NRAP: variants seen among roughly 807,000 people sequenced by gnomAD.
The protein encoded by NRAP is nebulin related anchoring protein, also known as nebulin-related-anchoring protein.
In NRAP, 189 loss-of-function variants were observed where a neutral mutation model predicts 225.9. The ratio of observed to expected loss-of-function variants is 0.84; its 90% CI spans 0.74 to 0.94. The LOEUF (loss-of-function observed/expected upper bound fraction) is 0.94, where lower values mean the gene tolerates loss of function less well. NRAP is among the 40% of genes least tolerant of loss of function. NRAP has a pLI of 0.00. For missense variants in NRAP, 2,176 were observed against 2,168.7 expected, an observed-to-expected ratio of 1.00 and a Z score of -0.07; for synonymous variants, 769 against 790.7, an observed-to-expected ratio of 0.97 and a Z score of 0.46.
intron 31 of NRAP, among the ~76,000 whole-genome samples, chr10:113,609,514 G>T (rs891189390): frequency 1.3e-5 from 2 of 152,162 alleles, no homozygotes; most frequent in Admixed American, 6.5e-5. Context: ...TCCCAGGGGT[G>T]AGCAAGATTC....
intron 20 of NRAP, among the ~76,000 whole-genome samples, chr10:113,627,719 G>T (rs1848363122): frequency 6.6e-6 from 1 of 152,238 alleles, no homozygotes; most frequent in South Asian, 2.1e-4. Context: ...ATGGTCAAGA[G>T]CTGGGGCACC....
At chr10:113,623,423 C>T in intron 23 of NRAP, 106 bp downstream of exon 23, 1 of 621,708 alleles carries the variant, frequency 1.6e-6, no homozygotes, top group South Asian at 2.5e-5. Flanking sequence ...AGATAAGAAT[C>T]CTGAGATTCA....
At chr10:113,617,071 G>T (rs1847708360) in intron 26 of NRAP, among the ~76,000 whole-genome samples, 1 of 152,060 alleles carries the variant, frequency 6.6e-6, no homozygotes, top group African/African-American at 2.4e-5. Flanking sequence ...GCTGCCCTTG[G>T]GTCCTAAAGA....
At chr10:113,653,083 T>G in intron 5 of NRAP, 44 bp from the exon 6 acceptor site, 1 of 1,101,990 alleles carries the variant, frequency 9.1e-7, no homozygotes. Flanking sequence ...GAGATGATAT[T>G]GAATGACAAC....
chr10:113,600,445 G>A (rs1846534455), intron 35 of NRAP, among the ~76,000 whole-genome samples: 1 of 152,112 alleles, frequency 6.6e-6, no homozygotes, highest in South Asian at 2.1e-4. Context: ...TTCCCAAAAT[G>A]TGGGATTACA....
At chr10:113,654,971 G>C (rs1433676016) in intron 4 of NRAP, among the ~76,000 whole-genome samples, 1 of 152,210 alleles carries the variant, frequency 6.6e-6, no homozygotes. Flanking sequence ...GAGGAGCTGG[G>C]TTTGATTGGA....
rs1398700919 is a variant in NRAP at position 113,660,488 on chromosome 10, C to G, written c.255+2191G>C. The stretch of plus-strand genomic sequence containing the variant: ...CACTGTCTGTGGCTGGAAATAGAAC[C>G]AGCAACAATCCTAGCCTTGCTCCAG... On this transcript the variant is annotated intron_variant, in intron 3 of 41. Coordinates refer to ENST00000359988, the MANE Select transcript of NRAP (RefSeq NM_198060.4). 2.6e-5 allele frequency among the ~76,000 whole-genome samples: 4 copies of G among 152,242 alleles called. No individual in the cohort carries two copies. In the East Asian group the frequency reaches 7.7e-4, roughly 29 times the overall value.
chr10:113,637,006 CAAAAAAAA>C (rs59937257), intron 14 of NRAP, among the ~76,000 whole-genome samples: 5 of 89,296 alleles, frequency 5.6e-5, no homozygotes, highest in South Asian at 4.3e-4. Flanking sequence ...GACTTCATCT[CAAAAAAAA>C]AAAAAAAAAA....
chr10:113,662,760 G>C lies in NRAP; in HGVS notation c.174C>G (p.Asn58Lys). The part of the protein sequence containing the change: ...HQKKPYCHAH[N>K]PKNNTFTSVY... ...CACTGGTGAAAGTGTTGTTCTTAGG[G>C]TTATGGCTACAACAAATAGGTATAA... The change falls in exon 3 of 42, where the codon AAC becomes AAG. Residue 58 changes from asparagine to lysine, a missense_variant. Asn to Lys is a moderately conservative substitution (Grantham distance 94). This residue lies in a region of NRAP where 1,708 missense variants were observed against 1,695.5 expected (regional missense o/e 1.01). Transcript: ENST00000359988. 1 of 1,566,610 alleles carries C rather than the reference G, an allele frequency of 6.4e-7. No individual in the cohort carries two copies. The highest frequency in any genetic ancestry group is 1.1e-5 in the South Asian group (1 of 89,454).
intron 40 of NRAP, among the ~76,000 whole-genome samples, chr10:113,590,018 C>T (rs1845862911): frequency 6.6e-6 from 1 of 152,222 alleles, no homozygotes; most frequent in Admixed American, 6.5e-5. Context: ...TCTCTTGCAT[C>T]TTCCCATTCA....
chr10:113,646,884 C>G, intron 10 of NRAP, 39 bp downstream of exon 10: 1 of 1,356,010 alleles, frequency 7.4e-7, no homozygotes, highest in South Asian at 1.2e-5. Flanking sequence ...TCTCACTTCT[C>G]TGCCTCTGGC....
At chr10:113,608,271 A>G in intron 32 of NRAP, 143 bp downstream of exon 32, 3 of 586,204 alleles carry the variant, frequency 5.1e-6, no homozygotes, top group Non-Finnish European at 9.1e-6. Context: ...GAAAATGTTT[A>G]GGTTCCATAT....
rs369152060 is a variant in NRAP, at chr10:113,629,538, T to C, written c.2040+50A>G. On this transcript the variant is annotated intron_variant, in intron 19 of 41. Transcript: ENST00000359988. ...CAGGTTTGAAATCACTCTGAAAGCA[T>C]GTCCAACTGCAAGAGATGCATGAAG... 18 of 1,285,008 alleles carry C rather than the reference T, an allele frequency of 1.4e-5. No homozygotes were observed. The African/African-American group carries it at 1.7e-4, about 12-fold the overall frequency. 79.6% of individuals were successfully genotyped at this position (1,285,008 alleles called of 1,614,324 possible).
intron 29 of NRAP, among the ~76,000 whole-genome samples, chr10:113,612,812 T>A (rs2133937233): frequency 6.6e-6 from 1 of 152,256 alleles, no homozygotes; most frequent in South Asian, 2.1e-4. Flanking sequence ...CATCGCCCAC[T>A]CAAGTTCAGA....
chr10:113,607,396 C>T lies in NRAP; in HGVS notation c.3702+1018G>A, dbSNP rs561096615. Among the ~76,000 whole-genome samples, 160 of 42,388 alleles carry T rather than the reference C, an allele frequency of 3.8e-3. 1 individual carries two copies. The highest frequency in any genetic ancestry group is 0.015 in the African/African-American group (149 of 10,246). The allele number at this position is 42,388 out of a possible 152,430, so 27.8% of individuals were successfully genotyped here. A position where few individuals can be genotyped will look rare whatever the true frequency, so the allele number is the denominator to read the frequency against. ...CAGCCTGGGTGAAAGAGCGAAACTC[C>T]GTCAAAAAAAAAAAAAAAAAAAAAA... is the stretch of plus-strand genomic sequence containing the variant. On this transcript the variant is annotated intron_variant, in intron 32 of 41. Transcript: ENST00000359988.
intron 23 of NRAP, 70 bp from the exon 24 acceptor site, chr10:113,622,250 G>T (rs987083514): frequency 9.6e-7 from 1 of 1,041,722 alleles, no homozygotes. Flanking sequence ...CAGACTCCAT[G>T]CATGGGAGCT....
At position 113,646,905 on chromosome 10, in the gene NRAP, C is replaced by T; in HGVS notation, c.993+18G>A. On this transcript the variant is annotated intron_variant, in intron 10 of 41. Transcript: ENST00000359988. ...TTCTCTGCCTCTGGCTCTGTGGTCA[C>T]ACCTACATGGTACTTACGTCACTAG... The T allele has an allele frequency of 6.4e-7, 1 of 1,555,648 alleles. No individual in the cohort carries two copies. The highest frequency in any genetic ancestry group is 8.9e-7 in the Non-Finnish European group (1 of 1,126,600).
At chr10:113,648,109 C>T (rs747656050) in intron 9 of NRAP, among the ~76,000 whole-genome samples, 8 of 152,078 alleles carry the variant, frequency 5.3e-5, no homozygotes, top group Non-Finnish European at 7.4e-5. Context: ...ATATGGTGCC[C>T]TCATTAGGCT....
At chr10:113,643,688 T>A in intron 11 of NRAP, among the ~76,000 whole-genome samples, 1 of 152,160 alleles carries the variant, frequency 6.6e-6, no homozygotes, top group East Asian at 1.9e-4. Flanking sequence ...TCTCAGGTAA[T>A]TAGCATGAGG....
Sources: gnomAD v4.1 joint callset for allele counts (sites outside exome capture counted in the v4.1 genomes callset) on GRCh38, gnomAD v4.1.1 for gene constraint, gnomAD v4.1.1 regional missense constraint, MANE v1.5 for transcripts, NCBI Gene and HGNC (gene_info 2026-07-23, HGNC 2026-07-21) for gene names.